Variants in GREB1L observed in about 807,000 individuals in gnomAD.
The protein encoded by GREB1L is GREB1-like protein.
A neutral mutation model predicts 200.8 loss-of-function variants in GREB1L; 17 were observed. The ratio of observed to expected loss-of-function variants is 0.08; its 90% CI spans 0.06 to 0.13. The LOEUF (loss-of-function observed/expected upper bound fraction) is 0.13, where lower values mean the gene tolerates loss of function less well. Ranked by LOEUF, GREB1L falls within the 10% of genes least tolerant of loss-of-function variation. The pLI is 1.00. For missense variants in GREB1L, 1,657 were observed against 2,367.7 expected (o/e 0.70, Z 6.23); for synonymous variants, 789 against 893.0 (o/e 0.88, Z 2.08).
At chr18:21,512,818 A>G (rs1016522561) in intron 27 of GREB1L, among the ~76,000 whole-genome samples, 8 of 152,126 alleles carry the variant, frequency 5.3e-5, no homozygotes, top group African/African-American at 1.9e-4. Context: ...GGCCTTTATT[A>G]TGTTGAGAAT....
At chr18:21,374,704 G>A (rs2040002191) in intron 2 of GREB1L, among the ~76,000 whole-genome samples, 1 of 151,820 alleles carries the variant, frequency 6.6e-6, no homozygotes, top group African/African-American at 2.4e-5. Context: ...GTTCTTCCTT[G>A]TCATTTCCTT....
chr18:21,351,995 G>A (rs1490131865), intron 1 of GREB1L, among the ~76,000 whole-genome samples: 9 of 151,870 alleles, frequency 5.9e-5, no homozygotes, highest in East Asian at 1.9e-4. Flanking sequence ...TTACAGGCAC[G>A]CGCCACCACG....
intron 7 of GREB1L, among the ~76,000 whole-genome samples, chr18:21,412,488 G>T (rs1345987735): frequency 6.6e-6 from 1 of 152,128 alleles, no homozygotes; most frequent in Non-Finnish European, 1.5e-5. Flanking sequence ...TCTACACCTA[G>T]CACTATAAAG....
intron 1 of GREB1L, among the ~76,000 whole-genome samples, chr18:21,286,258 T>G (rs1411159196): frequency 6.6e-6 from 1 of 152,146 alleles, no homozygotes; most frequent in Admixed American, 6.5e-5. Flanking sequence ...TATGTGAAGT[T>G]GATTAGGAGA....
At chr18:21,506,308 A>G (rs760432002) in intron 25 of GREB1L, among the ~76,000 whole-genome samples, 2 of 151,918 alleles carry the variant, frequency 1.3e-5, no homozygotes, top group Admixed American at 1.3e-4. Context: ...GGCAGGAGAA[A>G]TGCTTGAACC....
chr18:21,417,143 T>C (rs1200473253), intron 7 of GREB1L, among the ~76,000 whole-genome samples: 1 of 152,204 alleles, frequency 6.6e-6, no homozygotes, highest in African/African-American at 2.4e-5. Flanking sequence ...AAAAGAAGCC[T>C]GACATCAGAT....
intron 1 of GREB1L, among the ~76,000 whole-genome samples, chr18:21,333,339 A>G (rs572810076): frequency 6.6e-6 from 1 of 152,256 alleles, no homozygotes; most frequent in Admixed American, 6.5e-5. Flanking sequence ...TTACTCTGTG[A>G]TTATATCATC....
chr18:21,513,178 G>A (rs1217495398), intron 27 of GREB1L, among the ~76,000 whole-genome samples: 4 of 152,164 alleles, frequency 2.6e-5, no homozygotes, highest in Non-Finnish European at 5.9e-5. Context: ...GAAAGTGGTG[G>A]AATTAGGATT....
chr18:21,475,256 C>T (rs183584719), intron 16 of GREB1L, among the ~76,000 whole-genome samples: 222 of 152,226 alleles, frequency 1.5e-3, no homozygotes, highest in African/African-American at 5.1e-3. Context: ...TCTTCCTTGC[C>T]CTTCTCCCCT....
At chr18:21,505,330 C>A in intron 23 of GREB1L, 82 bp from the exon 24 acceptor site, 1 of 1,305,702 alleles carries the variant, frequency 7.7e-7, no homozygotes, top group Non-Finnish European at 1.1e-6. Flanking sequence ...CTGGGCTCTA[C>A]GTCCCATAAA....
intron 1 of GREB1L, among the ~76,000 whole-genome samples, chr18:21,262,566 A>G (rs1357474816): frequency 6.6e-6 from 1 of 152,192 alleles, no homozygotes; most frequent in Non-Finnish European, 1.5e-5. Context: ...CCTCATTTGG[A>G]TCAAAGCCCA....
intron 2 of GREB1L, among the ~76,000 whole-genome samples, chr18:21,382,398 G>T (rs577589186): frequency 3.9e-5 from 6 of 152,048 alleles, no homozygotes; most frequent in Admixed American, 3.9e-4. Flanking sequence ...GAAGGGTAGG[G>T]TCTTGGCCCC....
chr18:21,280,157 G>T (rs1159732308), intron 1 of GREB1L, among the ~76,000 whole-genome samples: 1 of 152,084 alleles, frequency 6.6e-6, no homozygotes, highest in Non-Finnish European at 1.5e-5. Flanking sequence ...TAGTTTGATT[G>T]TGCTCTACCG....
intron 7 of GREB1L, among the ~76,000 whole-genome samples, chr18:21,430,581 C>CTTTTTT (rs147151717): frequency 1.7e-5 from 1 of 60,192 alleles, no homozygotes; most frequent in Admixed American, 2.1e-4. Context: ...GATTTGGGAT[C>CTTTTTT]TTTTTTTTTT....
At chr18:21,282,956 T>C (rs1394598818) in intron 1 of GREB1L, among the ~76,000 whole-genome samples, 2 of 152,232 alleles carry the variant, frequency 1.3e-5, no homozygotes, top group African/African-American at 4.8e-5. Context: ...ACATGTATTG[T>C]ACGTTAATTA....
chr18:21,453,216 A>G (rs779833890), intron 14 of GREB1L, among the ~76,000 whole-genome samples: 6 of 152,204 alleles, frequency 3.9e-5, no homozygotes, highest in Non-Finnish European at 5.9e-5. Flanking sequence ...AAAGACAGAT[A>G]TATTTTGATT....
intron 1 of GREB1L, among the ~76,000 whole-genome samples, chr18:21,250,682 A>G (rs540451818): frequency 6.6e-6 from 1 of 152,338 alleles, no homozygotes; most frequent in South Asian, 2.1e-4. Context: ...GTTAACATGT[A>G]TATCTGTTTG....
In GREB1L at chr18:21,451,073, T is replaced by G; in HGVS notation, c.1771T>G (p.Phe591Val). The G allele has an allele frequency of 6.4e-7, 1 of 1,551,800 alleles. No homozygotes were observed. The highest frequency in any genetic ancestry group is 1.2e-5 in the South Asian group (1 of 84,056). ...AGAGAGCATGCTCACCACAAGTGAGTTTTTGAAAGAAATTAGTTATGAGCT... is the reference window on the plus strand; with the variant it reads ...AGAGAGCATGCTCACCACAAGTGAGGTTTTGAAAGAAATTAGTTATGAGCT... Reference protein sequence around the residue: ...LAESMLTTSEFLKEISYELIT... With the variant: ...LAESMLTTSEVLKEISYELIT... Residue 591 changes from phenylalanine to valine, a missense_variant, in exon 13 of 33, where the codon TTT becomes GTT. Physicochemically the swap from Phe to Val is conservative, Grantham distance 50. Around this residue, in one of 9 missense-constraint regions of GREB1L, gnomAD observed 239 missense variants for 421.8 expected, o/e 0.57. Coordinates refer to ENST00000424526, the MANE Select transcript of GREB1L (RefSeq NM_001142966.3).
At chr18:21,447,344 T>A in intron 11 of GREB1L, among the ~76,000 whole-genome samples, 2 of 152,216 alleles carry the variant, frequency 1.3e-5, no homozygotes, top group Non-Finnish European at 2.9e-5. Flanking sequence ...AAAGTGATAG[T>A]TGATTTTTGG....
Sources: gnomAD v4.1 joint callset for allele counts (sites outside exome capture counted in the v4.1 genomes callset) on GRCh38, gnomAD v4.1.1 for gene constraint, gnomAD v4.1.1 regional missense constraint, MANE v1.5 for transcripts, NCBI Gene and HGNC (gene_info 2026-07-23, HGNC 2026-07-21) for gene names.